Variants in ZNF385D observed in about 807,000 individuals in gnomAD.
ZNF385D encodes zinc finger protein 385D.
A neutral mutation model predicts 35.8 loss-of-function variants in ZNF385D; 15 were observed. The ratio of observed to expected loss-of-function variants is 0.42; its 90% CI spans 0.28 to 0.64. ZNF385D has a LOEUF of 0.64. Ranked by LOEUF, ZNF385D falls within the 30% of genes least tolerant of loss-of-function variation. The probability of loss-of-function intolerance (pLI) is 0.23; values close to 1 mark genes in which losing one functional copy is unlikely to be tolerated. For missense variants in ZNF385D, 474 were observed against 494.6 expected (o/e 0.96, Z 0.39); for synonymous variants, 212 against 186.8 (o/e 1.13, Z -1.10).
Position 21,421,292 on chromosome 3 carries a change from C to G in ZNF385D, c.1110G>C (p.Ala370=), listed in dbSNP as rs750190395. ...CTGGCCGCAGGAGTGCCGGAGGAAG[C>G]GCGGAAGTCTGGAACAGTGTTGCTG... ...APAATLFQTS[A]LPPALLRPAP... is the part of the protein sequence containing the mutation. Residue 370 remains alanine (A), a synonymous_variant, in exon 8 of 8, where the codon GCG becomes GCC. Transcript: ENST00000281523. 3 of 1,613,884 alleles carry G rather than the reference C, an allele frequency of 1.9e-6. No individual in the cohort carries two copies. Among genetic ancestry groups the G allele is most frequent in the Admixed American group, 1.7e-5 (1 of 59,978 alleles).
chr3:21,870,508 A>C (rs1251893987), intron 3 of ZNF385D, among the ~76,000 whole-genome samples: 1 of 152,180 alleles, frequency 6.6e-6, no homozygotes, highest in African/African-American at 2.4e-5. Context: ...TTCATGTAAG[A>C]AGCAGTAGTA....
intron 1 of ZNF385D, among the ~76,000 whole-genome samples, chr3:21,670,860 C>T (rs1478428304): frequency 6.6e-6 from 1 of 151,738 alleles, no homozygotes; most frequent in Non-Finnish European, 1.5e-5. Context: ...ACTGATGCTG[C>T]TCCGTTTTAA....
At chr3:22,084,502 G>A (rs1050768178) in intron 3 of ZNF385D, among the ~76,000 whole-genome samples, 1 of 152,122 alleles carries the variant, frequency 6.6e-6, no homozygotes, top group African/African-American at 2.4e-5. Context: ...TAATGGTAAA[G>A]GGATCAATTC....
chr3:22,181,559 G>T (rs150532726), intron 2 of ZNF385D, among the ~76,000 whole-genome samples: 1 of 151,996 alleles, frequency 6.6e-6, no homozygotes, highest in Non-Finnish European at 1.5e-5. Context: ...TTAGCCGGTC[G>T]CAGTGGCGGG....
At chr3:21,775,919 A>G (rs550557105) in intron 3 of ZNF385D, among the ~76,000 whole-genome samples, 5 of 151,778 alleles carry the variant, frequency 3.3e-5, no homozygotes, top group Non-Finnish European at 7.4e-5. Context: ...AAAGAAGAAA[A>G]TAAGTACTCA....
chr3:21,963,619 GAC>G (rs1265803855), intron 3 of ZNF385D, among the ~76,000 whole-genome samples: 1 of 152,160 alleles, frequency 6.6e-6, no homozygotes, highest in Non-Finnish European at 1.5e-5. Flanking sequence ...GCTGGTGGTT[GAC>G]AGTTTCTCCA....
At chr3:21,900,595 G>A (rs1204623438) in intron 3 of ZNF385D, among the ~76,000 whole-genome samples, 1 of 152,058 alleles carries the variant, frequency 6.6e-6, no homozygotes, top group Non-Finnish European at 1.5e-5. Context: ...ATAGATACAT[G>A]GGGCCAGAAT....
Position 21,953,495 on chromosome 3 carries a change from A to G in ZNF385D, c.325+215322T>C, listed in dbSNP as rs138523175. Among the ~76,000 whole-genome samples the G allele has an allele frequency of 1.8e-3, 280 of 152,174 alleles. 1 individual carries two copies. The highest frequency in any genetic ancestry group is 6.5e-3 in the African/African-American group (269 of 41,570). On this transcript the variant is annotated intron_variant, in intron 3 of 5. Transcript: ENST00000494108. The stretch of plus-strand genomic sequence containing the variant: ...CAGCAAGATTAAATATTTACATCCA[A>G]GTAATACTTCTAAGAAAAGTTTTAT...
intron 3 of ZNF385D, among the ~76,000 whole-genome samples, chr3:21,769,337 C>T (rs188377736): frequency 0.015 from 1,998 of 129,390 alleles, 32 homozygotes; most frequent in Non-Finnish European, 0.02. Context: ...TAGAAAACCC[C>T]GTCGTCTCAG....
intron 3 of ZNF385D, among the ~76,000 whole-genome samples, chr3:21,759,630 C>A (rs1000507002): frequency 6.6e-6 from 1 of 152,112 alleles, no homozygotes; most frequent in African/African-American, 2.4e-5. Context: ...TTATACACTT[C>A]AGAGGTTTCC....
At chr3:21,810,942 T>TC (rs1491220900) in intron 3 of ZNF385D, among the ~76,000 whole-genome samples, 1 of 146,834 alleles carries the variant, frequency 6.8e-6, no homozygotes, top group Non-Finnish European at 1.5e-5. Context: ...ACACAGCACA[T>TC]CACACACACA....
intron 4 of ZNF385D, among the ~76,000 whole-genome samples, chr3:21,500,084 A>G (rs1289395871): frequency 6.6e-6 from 1 of 152,216 alleles, no homozygotes; most frequent in South Asian, 2.1e-4. Context: ...TAAAATAGCA[A>G]TTTTATGCTG....
chr3:21,583,702 T>C (rs1204225208), intron 2 of ZNF385D, among the ~76,000 whole-genome samples: 1 of 151,742 alleles, frequency 6.6e-6, no homozygotes, highest in Non-Finnish European at 1.5e-5. Context: ...TTTTTATTCA[T>C]TTAAATATTG....
At chr3:21,931,955 A>T (rs185099803) in intron 3 of ZNF385D, among the ~76,000 whole-genome samples, 4 of 151,906 alleles carry the variant, frequency 2.6e-5, no homozygotes, top group African/African-American at 9.7e-5. Flanking sequence ...AGGTCATGAG[A>T]TCAAGATCGA....
chr3:21,431,116 G>A (rs547654979), intron 5 of ZNF385D: 9 of 152,104 alleles, frequency 5.9e-5, no homozygotes, highest in Non-Finnish European at 1.2e-4. Flanking sequence ...TTAAATATCA[G>A]TGATTTTATA....
Position 21,664,882 on chromosome 3 carries a change from T to A in ZNF385D, c.165+4A>T. The A allele has an allele frequency of 6.2e-7, 1 of 1,613,598 alleles. No individual in the cohort carries two copies. The highest frequency in any genetic ancestry group is 8.5e-7 in the Non-Finnish European group (1 of 1,179,634). On this transcript the variant is annotated splice_donor_region_variant and intron_variant, in intron 2 of 7. Transcript: ENST00000281523. ...AGGCAAAGACAAATTTGGCAGGTAC[T>A]TACCGCATTGAAATTGGGGAAGAGG...
At chr3:21,502,346 C>A (rs1706439618) in intron 4 of ZNF385D, among the ~76,000 whole-genome samples, 1 of 152,164 alleles carries the variant, frequency 6.6e-6, no homozygotes, top group African/African-American at 2.4e-5. Flanking sequence ...GCTTACATCC[C>A]TGTTCCACTC....
At chr3:22,022,795 T>G (rs1697301920) in intron 3 of ZNF385D, among the ~76,000 whole-genome samples, 2 of 152,144 alleles carry the variant, frequency 1.3e-5, no homozygotes. Flanking sequence ...GGAGAAATAG[T>G]ACTGTTCTTT....
intron 3 of ZNF385D, among the ~76,000 whole-genome samples, chr3:22,097,582 T>A (rs912636139): frequency 9.9e-5 from 15 of 152,184 alleles, no homozygotes; most frequent in African/African-American, 3.6e-4. Flanking sequence ...CAAAATGACT[T>A]CTTCTCACTG....
Sources: allele counts gnomAD v4.1 joint callset (sites outside exome capture counted in the v4.1 genomes callset), GRCh38; gene constraint gnomAD v4.1.1; transcripts MANE v1.5; gene names NCBI Gene and HGNC (gene_info 2026-07-23, HGNC 2026-07-21).